ABLIM2: variants seen among roughly 807,000 people sequenced by gnomAD.
ABLIM2 encodes actin binding LIM protein family member 2, also known as actin-binding LIM protein 2.
In ABLIM2, 53 loss-of-function variants were observed where a neutral mutation model predicts 97.7. The observed-to-expected ratio is 0.54, with a 90% confidence interval of 0.44 to 0.68. ABLIM2 has a LOEUF of 0.68. Ranked by LOEUF, ABLIM2 falls within the 30% of genes least tolerant of loss-of-function variation. ABLIM2 has a pLI of 0.00. For synonymous variants in ABLIM2, 361 were observed against 345.8 expected, an observed-to-expected ratio of 1.04 and a Z score of -0.49; for missense variants, 835 against 867.2, an observed-to-expected ratio of 0.96 and a Z score of 0.47.
chr4:8,051,129 G>A (rs901953027), intron 8 of ABLIM2, among the ~76,000 whole-genome samples: 1 of 152,256 alleles, frequency 6.6e-6, no homozygotes, highest in Non-Finnish European at 1.5e-5. Context: ...CCGCTCCACA[G>A]TAGGGGTCAG....
chr4:8,025,468 CCCT>C (rs919028754), intron 12 of ABLIM2, among the ~76,000 whole-genome samples: 1 of 152,092 alleles, frequency 6.6e-6, no homozygotes, highest in Non-Finnish European at 1.5e-5. Flanking sequence ...TAGGTGGGCA[CCCT>C]CCTCTGCTAC....
At chr4:8,076,624 C>G (rs1164659758) in intron 6 of ABLIM2, among the ~76,000 whole-genome samples, 1 of 151,840 alleles carries the variant, frequency 6.6e-6, no homozygotes, top group Admixed American at 6.6e-5. Context: ...ATTCTCGAGA[C>G]CCCCCTGGTC....
chr4:7,990,729 G>A (rs372785311), intron 17 of ABLIM2, among the ~76,000 whole-genome samples: 6 of 152,268 alleles, frequency 3.9e-5, no homozygotes, highest in African/African-American at 1.4e-4. Context: ...ATCTCCAGGG[G>A]AAGGTCATGA....
intron 5 of ABLIM2, among the ~76,000 whole-genome samples, chr4:8,078,880 G>A (rs866273833): frequency 1.3e-5 from 2 of 152,242 alleles, no homozygotes; most frequent in Admixed American, 6.5e-5. Flanking sequence ...GGCACAGAGC[G>A]AGGTACCTGC....
At chr4:8,098,080 T>A (rs917232466) in intron 2 of ABLIM2, among the ~76,000 whole-genome samples, 5 of 152,162 alleles carry the variant, frequency 3.3e-5, no homozygotes, top group Non-Finnish European at 1.5e-5. Context: ...TGAGACCCGA[T>A]CGCATTCCTC....
intron 14 of ABLIM2, among the ~76,000 whole-genome samples, chr4:8,014,927 T>TC (rs201680936): frequency 1.3e-3 from 192 of 146,784 alleles, no homozygotes; most frequent in African/African-American, 3.2e-3. Context: ...TTTCTTTCTT[T>TC]TTTTTTTTTT....
rs1758629471 is a variant in ABLIM2, at chr4:8,003,437, T to C, written c.1618+4622A>G. Among the ~76,000 whole-genome samples the C allele has an allele frequency of 6.6e-6, 1 of 152,138 alleles. No individual in the cohort carries two copies. The highest frequency in any genetic ancestry group is 1.5e-5 in the Non-Finnish European group (1 of 68,036). ...ACTGAGGTTCGCTTTCTACCCAATA[T>C]ACATCGCTTTCACGCCAGCGGAAAG... On this transcript the variant is annotated intron_variant, in intron 16 of 20. Transcript: ENST00000447017. The surrounding 1 kb of genome is among the most constrained non-coding windows in gnomAD (Gnocchi z 4.2).
intron 5 of ABLIM2, among the ~76,000 whole-genome samples, chr4:8,079,722 T>C (rs1230743815): frequency 6.6e-6 from 1 of 152,132 alleles, no homozygotes; most frequent in Non-Finnish European, 1.5e-5. Flanking sequence ...TCAGGTTCCG[T>C]GTGACATGTG....
chr4:8,073,059 G>A (rs1813391850), intron 6 of ABLIM2, among the ~76,000 whole-genome samples: 1 of 151,968 alleles, frequency 6.6e-6, no homozygotes. Flanking sequence ...TTCCATACCA[G>A]GCTGCTGTTT....
At chr4:8,077,466 C>G (rs561932589) in intron 6 of ABLIM2, among the ~76,000 whole-genome samples, 162 bp downstream of exon 6, 102 of 152,318 alleles carry the variant, frequency 6.7e-4, no homozygotes, top group Middle Eastern at 6.8e-3. Context: ...AGGCCCTGGA[C>G]AGCTGATGAG....
rs1048181170 is a variant in ABLIM2, at chr4:8,148,798, G to T, written c.10+9882C>A. On this transcript the variant is annotated intron_variant, in intron 1 of 20. Coordinates refer to ENST00000447017, the MANE Select transcript of ABLIM2 (RefSeq NM_001130083.2). The surrounding 1 kb of genome is among the most constrained non-coding windows in gnomAD (Gnocchi z 6.7). ...AGATGAGGAGGCCAAGGCTCAGGGG[G>T]TACATGGCCTGGGCTGGTTCCTGGA... Among the ~76,000 whole-genome samples the T allele has an allele frequency of 6.6e-6, 1 of 152,158 alleles. No individual in the cohort carries two copies. The highest frequency in any genetic ancestry group is 6.5e-5 in the Admixed American group (1 of 15,286).
At chr4:8,024,123 C>T (rs1245909361) in intron 12 of ABLIM2, among the ~76,000 whole-genome samples, 2 of 152,136 alleles carry the variant, frequency 1.3e-5, no homozygotes, top group Non-Finnish European at 2.9e-5. Context: ...GTGGAGGGTG[C>T]GGGCCTGGAC....
rs1803353970 is a variant in ABLIM2 at position 8,061,904 on chromosome 4, T to C, written c.676-850A>G. 6.6e-6 allele frequency among the ~76,000 whole-genome samples: 1 copy of C among 152,160 alleles called. No individual in the cohort carries two copies. Among genetic ancestry groups the C allele is most frequent in the Non-Finnish European group, 1.5e-5 (1 of 68,026 alleles). On this transcript the variant is annotated intron_variant, in intron 6 of 20. Coordinates refer to ENST00000447017, the MANE Select transcript of ABLIM2 (RefSeq NM_001130083.2). The surrounding 1 kb of genome is among the most constrained non-coding windows in gnomAD (Gnocchi z 4.5). Reference sequence around the variant, plus strand: ...TGAGCATCCCGTTTTCCCTGTCCTGTGCCTTCCCTAGGATGAAAACAGCCC... The same window carrying C: ...TGAGCATCCCGTTTTCCCTGTCCTGCGCCTTCCCTAGGATGAAAACAGCCC...
At chr4:8,114,705 G>A (rs1517523) in intron 1 of ABLIM2, among the ~76,000 whole-genome samples, 91,474 of 152,046 alleles carry the variant, frequency 0.6, 28,441 homozygotes, top group East Asian at 0.83. Flanking sequence ...AGACAGGGCG[G>A]CCCTCTGTTC....
rs1760896249 is a variant in ABLIM2 at position 8,005,796 on chromosome 4, G to C, written c.1618+2263C>G. Among the ~76,000 whole-genome samples the C allele has an allele frequency of 6.6e-6, 1 of 152,252 alleles. No homozygotes were observed. Among genetic ancestry groups the C allele is most frequent in the South Asian group, 2.1e-4 (1 of 4,834 alleles). The stretch of plus-strand genomic sequence containing the variant: ...AGAGGAAGTGGATGTTAGCACACCA[G>C]GAGAAAGCGAAGGAAGGACAGCATC... On this transcript the variant is annotated intron_variant, in intron 16 of 20. Transcript: ENST00000447017. The surrounding 1 kb of genome is among the most constrained non-coding windows in gnomAD (Gnocchi z 4.9).
At chr4:8,131,696 CAGCACAGCAGCCCGCA>C (rs1849416287) in intron 1 of ABLIM2, among the ~76,000 whole-genome samples, 3 of 87,294 alleles carry the variant, frequency 3.4e-5, no homozygotes, top group Admixed American at 3.4e-4. Flanking sequence ...CCCGCATCCC[CAGCACAGCAGCCCGCA>C]TCCCTGAGCA....
intron 1 of ABLIM2, among the ~76,000 whole-genome samples, chr4:8,114,742 G>A (rs910119164): frequency 1.3e-5 from 2 of 152,116 alleles, no homozygotes; most frequent in Non-Finnish European, 1.5e-5. Flanking sequence ...AAGATGCACT[G>A]GGCACTCTCT....
chr4:8,013,291 C>T (rs866239241), intron 14 of ABLIM2, among the ~76,000 whole-genome samples: 2 of 139,400 alleles, frequency 1.4e-5, no homozygotes, highest in South Asian at 2.2e-4. Context: ...GGCGCAATCT[C>T]GGCTCACTGC....
rs1260854104 is a variant in ABLIM2, at chr4:8,147,990, A to G, written c.10+10690T>C. On this transcript the variant is annotated intron_variant, in intron 1 of 20. Transcript: ENST00000447017. The surrounding 1 kb of genome is among the most constrained non-coding windows in gnomAD (Gnocchi z 5.3). ...GGCCCAATATCCCAGAAGAAGGGGC[A>G]CGAGTCAGGGCCCAGCTGCAGACCA... Among the ~76,000 whole-genome samples the G allele has an allele frequency of 6.6e-6, 1 of 152,208 alleles. No individual in the cohort carries two copies. The highest frequency in any genetic ancestry group is 2.4e-5 in the African/African-American group (1 of 41,460).
Sources: gnomAD v4.1 joint callset for allele counts (sites outside exome capture counted in the v4.1 genomes callset) on GRCh38, gnomAD v4.1.1 for gene constraint, Gnocchi (gnomAD v3.1) non-coding constraint, MANE v1.5 for transcripts, NCBI Gene and HGNC (gene_info 2026-07-23, HGNC 2026-07-21) for gene names.